The following SLIT3 variants were observed in gnomAD, a reference collection of about 807,000 sequenced individuals.
The protein encoded by SLIT3 is slit homolog 3 protein.
SLIT3 carries 68 observed loss-of-function variants against 184.0 expected under a neutral mutation model. The ratio of observed to expected loss-of-function variants is 0.37; its 90% CI spans 0.30 to 0.45. The LOEUF (loss-of-function observed/expected upper bound fraction) is 0.45, where lower values mean the gene tolerates loss of function less well. Ranked by LOEUF, SLIT3 falls within the 20% of genes least tolerant of loss-of-function variation. The probability of loss-of-function intolerance (pLI) is 1.00; values close to 1 mark genes in which losing one functional copy is unlikely to be tolerated. For synonymous variants in SLIT3, 831 were observed against 828.6 expected (o/e 1.00, Z -0.05); for missense variants, 1,707 against 2,026.0 (o/e 0.84, Z 3.02).
Position 169,197,938 on chromosome 5 carries a change from T to C in SLIT3, c.342-4388A>G, listed in dbSNP as rs554823886. 1.8e-3 allele frequency among the ~76,000 whole-genome samples: 273 copies of C among 152,302 alleles called. 1 individual carries two copies. Among genetic ancestry groups the C allele is most frequent in the African/African-American group, 6.4e-3 (266 of 41,578 alleles). On this transcript the variant is annotated intron_variant, in intron 3 of 35. Coordinates refer to ENST00000519560, the MANE Select transcript of SLIT3 (RefSeq NM_003062.4). ...AAAGGCCTTTCTAGATGTACCTGGGTGTAAGATATAAATAGAAGTTTTTGC... is the reference window on the plus strand; with the variant it reads ...AAAGGCCTTTCTAGATGTACCTGGGCGTAAGATATAAATAGAAGTTTTTGC...
chr5:168,752,846 TG>T, intron 18 of SLIT3, 108 bp downstream of exon 18: 1 of 1,148,060 alleles, frequency 8.7e-7, no homozygotes, highest in Non-Finnish European at 1.3e-6. Context: ...AGTTTTTAAG[TG>T]GACAGACAGA....
At chr5:169,120,886 T>C (rs1219958475) in intron 4 of SLIT3, among the ~76,000 whole-genome samples, 9 of 152,202 alleles carry the variant, frequency 5.9e-5, no homozygotes, top group Non-Finnish European at 1.5e-5. Context: ...GGTCTAATCC[T>C]AGTGTTTTGT....
At chr5:169,266,972 C>T (rs1273755386) in intron 1 of SLIT3, among the ~76,000 whole-genome samples, 1 of 151,984 alleles carries the variant, frequency 6.6e-6, no homozygotes, top group African/African-American at 2.4e-5. Flanking sequence ...GGTACAAATG[C>T]TGCACCCAAC....
chr5:169,135,771 C>CA (rs1393599517), intron 4 of SLIT3, among the ~76,000 whole-genome samples: 13 of 152,202 alleles, frequency 8.5e-5, no homozygotes, highest in African/African-American at 2.7e-4. Context: ...AACTTGCTTC[C>CA]AGCCTTGTCC....
intron 4 of SLIT3, among the ~76,000 whole-genome samples, chr5:168,955,797 G>A (rs954515238): frequency 6.6e-6 from 1 of 152,248 alleles, no homozygotes; most frequent in African/African-American, 2.4e-5. Context: ...CCCACAGGGA[G>A]GAGATCTCTA....
intron 3 of SLIT3, among the ~76,000 whole-genome samples, chr5:169,214,037 G>A (rs1764355895): frequency 6.6e-6 from 1 of 152,160 alleles, no homozygotes; most frequent in South Asian, 2.1e-4. Context: ...CATGAGCATT[G>A]GGAGAGTCTG....
chr5:169,049,694 C>T (rs1017105920), intron 4 of SLIT3, among the ~76,000 whole-genome samples: 2 of 152,082 alleles, frequency 1.3e-5, no homozygotes, highest in African/African-American at 2.4e-5. Context: ...TCTATTGTAG[C>T]GGTAAGGACA....
chr5:168,871,584 G>A (rs989630828), intron 5 of SLIT3, among the ~76,000 whole-genome samples: 9 of 152,118 alleles, frequency 5.9e-5, no homozygotes, highest in African/African-American at 2.2e-4. Flanking sequence ...AAAGAGTGAT[G>A]AAGTTAAATA....
intron 6 of SLIT3, among the ~76,000 whole-genome samples, chr5:168,825,424 G>T (rs1427773981): frequency 6.6e-6 from 1 of 152,114 alleles, no homozygotes; most frequent in African/African-American, 2.4e-5. Context: ...TCTGCGTGGT[G>T]AAAGGCACAG....
intron 4 of SLIT3, among the ~76,000 whole-genome samples, chr5:169,091,526 C>T (rs1759584060): frequency 6.6e-6 from 1 of 152,246 alleles, no homozygotes. Flanking sequence ...AGCTAAACAG[C>T]ACACTGTTGT....
chr5:169,274,941 T>C (rs1206531277), intron 1 of SLIT3, among the ~76,000 whole-genome samples: 1 of 152,252 alleles, frequency 6.6e-6, no homozygotes, highest in Non-Finnish European at 1.5e-5. Context: ...GAATTAAACA[T>C]GATAATGTGT....
intron 4 of SLIT3, among the ~76,000 whole-genome samples, chr5:169,013,651 T>C (rs1756248988): frequency 6.6e-6 from 1 of 152,140 alleles, no homozygotes; most frequent in African/African-American, 2.4e-5. Context: ...TGAAGGCTCA[T>C]GTGGAATTAA....
Position 169,168,642 on chromosome 5 carries a change from A to C in SLIT3, c.413+24837T>G, listed in dbSNP as rs181409285. On this transcript the variant is annotated intron_variant, in intron 4 of 35. Coordinates refer to ENST00000519560, the MANE Select transcript of SLIT3 (RefSeq NM_003062.4). ...AACCAAACCAAACCGAATCTCTGGG[A>C]AATTAAGCAGTTGGCCAAGGACCCA... Among the ~76,000 whole-genome samples, 27 of 152,332 alleles carry C rather than the reference A, an allele frequency of 1.8e-4. 1 individual carries two copies. The East Asian group carries it at 4.6e-3, about 26-fold the overall frequency.
intron 3 of SLIT3, among the ~76,000 whole-genome samples, chr5:169,203,113 C>G (rs1425288191): frequency 6.6e-6 from 1 of 152,158 alleles, no homozygotes; most frequent in Non-Finnish European, 1.5e-5. Context: ...ACTGTGAGTC[C>G]TCTAGTTCCA....
chr5:168,787,449 C>T (rs560048449), intron 11 of SLIT3, among the ~76,000 whole-genome samples: 81 of 152,330 alleles, frequency 5.3e-4, no homozygotes, highest in Non-Finnish European at 9.1e-4. Flanking sequence ...TCTGGCTTCC[C>T]ACCCCAGGTC....
chr5:169,156,921 G>A (rs1580997228), intron 4 of SLIT3, among the ~76,000 whole-genome samples: 1 of 152,318 alleles, frequency 6.6e-6, no homozygotes, highest in African/African-American at 2.4e-5. Context: ...ATGGTGGTGA[G>A]TTCTCTGGGT....
chr5:169,107,030 C>T (rs1013111876), intron 4 of SLIT3, among the ~76,000 whole-genome samples: 12 of 152,218 alleles, frequency 7.9e-5, no homozygotes, highest in South Asian at 2.1e-4. Context: ...AATCCAAGGC[C>T]GCCTGCCCTG....
At position 169,175,642 on chromosome 5, in the gene SLIT3, C is replaced by T. The variant is rs191952723; in HGVS notation, c.413+17837G>A. ...GACTATTATTTCCACTATATCTTCTCGTCTTCCTATGTTCACAGCCTAATG... is the reference window on the plus strand; with the variant it reads ...GACTATTATTTCCACTATATCTTCTTGTCTTCCTATGTTCACAGCCTAATG... On this transcript the variant is annotated intron_variant, in intron 4 of 35. Transcript: ENST00000519560. Among the ~76,000 whole-genome samples, 25 of 152,318 alleles carry T rather than the reference C, an allele frequency of 1.6e-4. No homozygotes were observed. In the East Asian group the frequency reaches 3.5e-3, roughly 21 times the overall value.
chr5:168,736,085 G>A (rs1001043553), intron 20 of SLIT3, among the ~76,000 whole-genome samples: 1 of 152,132 alleles, frequency 6.6e-6, no homozygotes, highest in Non-Finnish European at 1.5e-5. Context: ...TGATCTGGTC[G>A]GTTTTCTTAC....
Sources: gnomAD v4.1 joint callset for allele counts (sites outside exome capture counted in the v4.1 genomes callset) on GRCh38, gnomAD v4.1.1 for gene constraint, MANE v1.5 for transcripts, NCBI Gene and HGNC (gene_info 2026-07-23, HGNC 2026-07-21) for gene names.